PLEKHA8: variants seen among roughly 807,000 people sequenced by gnomAD.
PLEKHA8 encodes pleckstrin homology domain-containing family A member 8.
A neutral mutation model predicts 68.2 loss-of-function variants in PLEKHA8; 36 were observed. The observed-to-expected ratio is 0.53, with a 90% CI of 0.40 to 0.70. The LOEUF (loss-of-function observed/expected upper bound fraction) is 0.70. PLEKHA8 is among the 30% of genes least tolerant of loss of function. The pLI, the probability that PLEKHA8 is intolerant of heterozygous loss-of-function variation, is 0.00. For missense variants in PLEKHA8, 505 were observed against 615.4 expected (o/e 0.82, Z 1.90); for synonymous variants, 211 against 216.1 (o/e 0.98, Z 0.20).
Position 30,067,592 on chromosome 7 carries a change from G to A in PLEKHA8, c.1300+4850G>A, listed in dbSNP as rs185964769. ...ACTCCTTAATCCCGTGACTCCCATC[G>A]TTTTCCAGAGATCATCATCCTGAAT... On this transcript the variant is annotated intron_variant, in intron 12 of 13. Coordinates refer to ENST00000449726, the MANE Select transcript of PLEKHA8 (RefSeq NM_001197026.2). Among the ~76,000 whole-genome samples, 94 of 152,286 alleles carry A rather than the reference G, an allele frequency of 6.2e-4. 1 individual carries two copies. The highest frequency in any genetic ancestry group is 2.1e-3 in the African/African-American group (88 of 41,564).
intron 13 of PLEKHA8, among the ~76,000 whole-genome samples, chr7:30,124,024 T>G (rs1796734916): frequency 6.6e-6 from 1 of 152,234 alleles, no homozygotes; most frequent in South Asian, 2.1e-4. Context: ...TAAACAGATG[T>G]CAGCTATTTT....
chr7:30,098,633 G>T (rs7805014), intron 13 of PLEKHA8, among the ~76,000 whole-genome samples: 55 of 152,366 alleles, frequency 3.6e-4, no homozygotes, highest in South Asian at 6.2e-4. Flanking sequence ...CTCCAAGCCA[G>T]GTGCGGGATA....
intron 9 of PLEKHA8, among the ~76,000 whole-genome samples, chr7:30,058,102 A>G (rs1793137913): frequency 1.3e-5 from 2 of 152,024 alleles, no homozygotes; most frequent in Non-Finnish European, 2.9e-5. Context: ...TATCTCTTCC[A>G]TTGTGAAATG....
At chr7:30,066,966 A>AAATACT (rs539963868) in intron 12 of PLEKHA8, among the ~76,000 whole-genome samples, 32 of 152,236 alleles carry the variant, frequency 2.1e-4, no homozygotes, top group Admixed American at 1.3e-3. Flanking sequence ...GCCATTCTGA[A>AAATACT]AATACTATGG....
Position 30,078,603 on chromosome 7 carries a change from C to A in PLEKHA8, c.1376C>A (p.Ala459Glu), listed in dbSNP as rs1298311466. 6.2e-7 allele frequency: 1 copy of A among 1,613,736 alleles called. No individual in the cohort carries two copies. Among genetic ancestry groups the A allele is most frequent in the Non-Finnish European group, 8.5e-7 (1 of 1,179,816 alleles). ...VRGVFALALR[A>E]APSYEDFVAA... ...ATTCTTTTGCAGTTAGCTTTAAGGGCAGCTCCATCCTATGAAGATTTTGTG... is the reference window on the plus strand; with the variant it reads ...ATTCTTTTGCAGTTAGCTTTAAGGGAAGCTCCATCCTATGAAGATTTTGTG... Residue 459 changes from alanine to glutamate, a missense_variant, in exon 14 of 14, where the codon GCA (alanine) becomes GAA (glutamate). Coordinates refer to ENST00000449726, the MANE Select transcript of PLEKHA8 (RefSeq NM_001197026.2).
intron 13 of PLEKHA8, among the ~76,000 whole-genome samples, chr7:30,112,193 C>T (rs1393554106): frequency 6.6e-6 from 1 of 151,998 alleles, no homozygotes. Context: ...TGTGCAACAA[C>T]TAACGGCATA....
chr7:30,109,079 A>G (rs990819712), intron 13 of PLEKHA8, among the ~76,000 whole-genome samples: 9 of 152,138 alleles, frequency 5.9e-5, no homozygotes, highest in Non-Finnish European at 1.2e-4. Flanking sequence ...TACATATCAA[A>G]TGGTAGTTTA....
Position 30,062,709 on chromosome 7 carries a change from A to G in PLEKHA8, c.1267A>G (p.Lys423Glu), listed in dbSNP as rs763161558. ...KFLKGFLTEV[K>E]NGEKDIQTAL... ...TTTGAAGGGATTTTTGACAGAAGTG[A>G]AAAATGGGGAGAAGGATATCCAGAC... The change falls in exon 12 of 14, where the codon AAA (lysine) becomes GAA (glutamate). Residue 423 changes from lysine to glutamate, a missense_variant. By Grantham distance (56) the Lys-to-Glu change is moderately conservative. Coordinates refer to ENST00000449726, the MANE Select transcript of PLEKHA8 (RefSeq NM_001197026.2). 4 of 1,612,824 alleles carry G rather than the reference A, an allele frequency of 2.5e-6. No individual in the cohort carries two copies. Among genetic ancestry groups the G allele is most frequent in the Admixed American group, 1.7e-5 (1 of 59,980 alleles).
chr7:30,098,181 C>T (rs1309904542), intron 13 of PLEKHA8, among the ~76,000 whole-genome samples: 2 of 152,202 alleles, frequency 1.3e-5, no homozygotes, highest in East Asian at 3.9e-4. Context: ...GATCGTTCCT[C>T]TGGAAGTTTT....
downstream of PLEKHA8, among the ~76,000 whole-genome samples, chr7:30,093,898 G>A (rs1000612886): frequency 6.6e-6 from 1 of 152,146 alleles, no homozygotes; most frequent in Non-Finnish European, 1.5e-5. Flanking sequence ...TTACAAACTG[G>A]GTCACCTTGG....
At chr7:30,108,066 T>TCAAAAAAAAAAAAAAAA (rs1796130092) in intron 13 of PLEKHA8, among the ~76,000 whole-genome samples, 1 of 21,802 alleles carries the variant, frequency 4.6e-5, no homozygotes, top group African/African-American at 2.3e-4. Flanking sequence ...AAACTCCATC[T>TCAAAAAAAAAAAAAAAA]CAAAAAAAAA....
chr7:30,042,861 A>G (rs906978374), intron 1 of PLEKHA8, among the ~76,000 whole-genome samples: 1 of 152,032 alleles, frequency 6.6e-6, no homozygotes, highest in Non-Finnish European at 1.5e-5. Flanking sequence ...ATAATGTCTG[A>G]CTCCTGGAGC....
chr7:30,029,991 A>T (rs761781430), intron 1 of PLEKHA8, among the ~76,000 whole-genome samples: 6 of 152,124 alleles, frequency 3.9e-5, no homozygotes, highest in Non-Finnish European at 8.8e-5. Flanking sequence ...AAATGAGAAG[A>T]GGTTTTTCTT....
At position 30,081,288 on chromosome 7, in the gene PLEKHA8, G is replaced by A. The variant is rs926819122; in HGVS notation, c.*2501G>A. ...TATTTTCCCCACTGGAGCATATTAC[G>A]TTTGCCTAAGATGTATAAAAGTTTG... On this transcript the variant is annotated 3_prime_UTR_variant, in exon 14 of 14. Coordinates refer to ENST00000449726, the MANE Select transcript of PLEKHA8 (RefSeq NM_001197026.2). The A allele has an allele frequency of 2.7e-5, 27 of 985,128 alleles. No homozygotes were observed. Among genetic ancestry groups the A allele is most frequent in the South Asian group, 1.9e-4 (4 of 21,284 alleles). 61.0% of individuals were successfully genotyped at this position (985,128 alleles called of 1,614,324 possible). A position where few individuals can be genotyped will look rare whatever the true frequency, so the allele number is the denominator to read the frequency against.
intron 13 of PLEKHA8, among the ~76,000 whole-genome samples, chr7:30,123,588 G>A (rs942351031): frequency 6.6e-6 from 1 of 152,154 alleles, no homozygotes; most frequent in Non-Finnish European, 1.5e-5. Context: ...GACTTTTTAG[G>A]GAGAATAATC....
At chr7:30,053,411 A>G (rs1304333877) in intron 7 of PLEKHA8, among the ~76,000 whole-genome samples, 1 of 152,192 alleles carries the variant, frequency 6.6e-6, no homozygotes, top group Non-Finnish European at 1.5e-5. Flanking sequence ...AGAGCTTTTA[A>G]TTGTGTTATA....
At chr7:30,039,484 C>T (rs1188090963) in intron 1 of PLEKHA8, among the ~76,000 whole-genome samples, 1 of 152,174 alleles carries the variant, frequency 6.6e-6, no homozygotes, top group African/African-American at 2.4e-5. Context: ...TGTTGCACTC[C>T]AGCCTGGGCA....
rs879773759 is a variant in PLEKHA8 at position 30,081,760 on chromosome 7, A to G, written c.*2973A>G. ...TCTACTAGGTATTGTAGACACAAATAAGTAACATTAGGCTAACCCCTTATG... is the reference window on the plus strand; with the variant it reads ...TCTACTAGGTATTGTAGACACAAATGAGTAACATTAGGCTAACCCCTTATG... On this transcript the variant is annotated 3_prime_UTR_variant, in exon 14 of 14. Coordinates refer to ENST00000449726, the MANE Select transcript of PLEKHA8 (RefSeq NM_001197026.2). 4.5e-5 allele frequency: 44 copies of G among 985,294 alleles called. No homozygotes were observed. Among genetic ancestry groups the G allele is most frequent in the Non-Finnish European group, 5.3e-5 (44 of 829,906 alleles). The allele number at this position is 985,294 out of a possible 1,614,324, so 61.0% of individuals were successfully genotyped here. A position where few individuals can be genotyped will look rare whatever the true frequency, so the allele number is the denominator to read the frequency against.
intron 8 of PLEKHA8, 33 bp from the exon 9 acceptor site, chr7:30,055,224 A>G (rs1792744830): frequency 6.3e-6 from 10 of 1,584,830 alleles, no homozygotes; most frequent in South Asian, 2.2e-5. Flanking sequence ...TGTATTTTCA[A>G]TCTTTTCTCC....
Sources: allele counts gnomAD v4.1 joint callset (sites outside exome capture counted in the v4.1 genomes callset), GRCh38; gene constraint gnomAD v4.1.1; transcripts MANE v1.5; gene names NCBI Gene and HGNC (gene_info 2026-07-23, HGNC 2026-07-21).